The following MIER3 variants were observed in gnomAD, a reference collection of about 807,000 sequenced individuals.
The protein encoded by MIER3 is MIER family member 3.
A neutral mutation model predicts 63.2 loss-of-function variants in MIER3; 9 were observed. The observed-to-expected ratio is 0.14, with a 90% CI of 0.09 to 0.25. The LOEUF (loss-of-function observed/expected upper bound fraction) is 0.25. Among genes scored for constraint, MIER3 ranks in the 10% least tolerant of loss-of-function variants. The probability of loss-of-function intolerance (pLI) is 1.00; values close to 1 mark genes in which losing one functional copy is unlikely to be tolerated. For synonymous variants in MIER3, 205 were observed against 224.9 expected (o/e 0.91, Z 0.79); for missense variants, 512 against 666.2 (o/e 0.77, Z 2.55).
chr5:56,950,523 G>C (rs1459176235), intron 2 of MIER3, 105 bp downstream of exon 2: 2 of 1,238,290 alleles, frequency 1.6e-6, no homozygotes, highest in Admixed American at 2.2e-5. Flanking sequence ...AATCAATGAA[G>C]AAAAACCTGC....
At chr5:56,926,043 TA>T (rs201015212) in intron 10 of MIER3, among the ~76,000 whole-genome samples, 27 of 150,258 alleles carry the variant, frequency 1.8e-4, no homozygotes, top group South Asian at 4.2e-4. Context: ...GACATCCACA[TA>T]AAAAAAAAGA....
intron 2 of MIER3, among the ~76,000 whole-genome samples, chr5:56,949,523 T>C (rs1750944997): frequency 6.6e-6 from 1 of 152,174 alleles, no homozygotes; most frequent in Admixed American, 6.5e-5. Context: ...AAAAAGTTCA[T>C]CTCAAAATTA....
At chr5:56,926,071 T>C (rs1193406822) in intron 10 of MIER3, among the ~76,000 whole-genome samples, 1 of 152,036 alleles carries the variant, frequency 6.6e-6, no homozygotes, top group Non-Finnish European at 1.5e-5. Context: ...AATCTAGACA[T>C]AGACCTTACT....
At chr5:56,927,941 G>A (rs1445855562) in intron 10 of MIER3, 2 of 152,086 alleles carry the variant, frequency 1.3e-5, no homozygotes, top group Non-Finnish European at 2.9e-5. Flanking sequence ...GCTTTTTTCA[G>A]AATATCATAT....
In MIER3 at chr5:56,922,166, A is replaced by G. The variant is rs181401896; in HGVS notation, c.*962T>C. Reference sequence around the variant, plus strand: ...TGAACTGCAGTGCTACAAACAACTTAAAAGATGTCCCAAAATGTAAACCAT... The same window carrying G: ...TGAACTGCAGTGCTACAAACAACTTGAAAGATGTCCCAAAATGTAAACCAT... On this transcript the variant is annotated 3_prime_UTR_variant, in exon 13 of 13. Transcript: ENST00000381199. The G allele has an allele frequency of 6.6e-6, 1 of 152,662 alleles. No individual in the cohort carries two copies. Among genetic ancestry groups the G allele is most frequent in the Admixed American group, 6.5e-5 (1 of 15,282 alleles). 9.5% of individuals were successfully genotyped at this position (152,662 alleles called of 1,614,324 possible). A position where few individuals can be genotyped will look rare whatever the true frequency, so the allele number is the denominator to read the frequency against.
intron 10 of MIER3, chr5:56,925,184 C>G (rs975370376): frequency 1.0e-5 from 3 of 287,912 alleles, no homozygotes; most frequent in Admixed American, 4.9e-5. Flanking sequence ...TTTATCTCAT[C>G]TTTGAGAAAC....
Position 56,924,006 on chromosome 5 carries a change from A to G in MIER3, c.961T>C (p.Tyr321His). Residue 321 changes from tyrosine to histidine, a missense_variant, in exon 11 of 13, where the codon TAC (tyrosine) becomes CAC (histidine). Physicochemically the swap from Tyr to His is moderately conservative, Grantham distance 83. Coordinates refer to ENST00000381199, the MANE Select transcript of MIER3 (RefSeq NM_001297599.2). ...CGTTCAGATTTCTTCCACATATAGT[A>G]GAATGCTACACACTCAGCAACTGTC... is the stretch of plus-strand genomic sequence containing the variant. ...TRTVAECVAF[Y>H]YMWKKSERYD... 6.2e-7 allele frequency: 1 copy of G among 1,614,056 alleles called. No homozygotes were observed.
intron 10 of MIER3, chr5:56,925,321 C>G (rs937625051): frequency 2.2e-6 from 1 of 454,356 alleles, no homozygotes; most frequent in Non-Finnish European, 4.4e-6. Context: ...ATAAAACTGT[C>G]TCTGTTTACA....
At position 56,941,099 on chromosome 5, in the gene MIER3, A is replaced by G. The variant is rs891929925; in HGVS notation, c.181-2082T>C. On this transcript the variant is annotated intron_variant, in intron 3 of 12. Transcript: ENST00000381199. ...GCTACTGGACATACAAATGAAATTT[A>G]CTGAAGAATCCCTGCTCACAAGGAA... is the stretch of plus-strand genomic sequence containing the variant. 5.1e-6 allele frequency: 5 copies of G among 985,344 alleles called. No individual in the cohort carries two copies. The Admixed American group carries it at 1.8e-4, about 36-fold the overall frequency. The allele number at this position is 985,344 out of a possible 1,614,324, so 61.0% of individuals were successfully genotyped here.
rs1330258814 is a variant in MIER3 at position 56,935,686 on chromosome 5, A to G, written c.502T>C (p.Ser168Pro). ...CTTACCTTCCTCAAATCTTCAGGTG[A>G]ATTACCACTGTCTGTTTCAACATCT... ...VEDVETDSGN[S>P]PEDLRKEIMI... The change falls in exon 6 of 13, where the codon TCA (serine) becomes CCA (proline). Residue 168 changes from serine to proline, a missense_variant. By Grantham distance (74) the Ser-to-Pro change is moderately conservative (BLOSUM62 -1). Around this residue, in one of 5 missense-constraint regions of MIER3, gnomAD observed 118 missense variants for 133.6 expected, o/e 0.88. Coordinates refer to ENST00000381199, the MANE Select transcript of MIER3 (RefSeq NM_001297599.2). 1 of 1,614,048 alleles carries G rather than the reference A, an allele frequency of 6.2e-7. No homozygotes were observed. Among genetic ancestry groups the G allele is most frequent in the Non-Finnish European group, 8.5e-7 (1 of 1,179,928 alleles).
intron 5 of MIER3, among the ~76,000 whole-genome samples, chr5:56,936,085 G>T (rs913910416): frequency 6.6e-6 from 1 of 151,942 alleles, no homozygotes; most frequent in Non-Finnish European, 1.5e-5. Flanking sequence ...GGCGTGGTGG[G>T]GGGTGCCTGT....
rs748613738 is a variant in MIER3 at position 56,933,260 on chromosome 5, C to T, written c.734G>A (p.Arg245Lys). 4 of 1,609,660 alleles carry T rather than the reference C, an allele frequency of 2.5e-6. No individual in the cohort carries two copies. The highest frequency in any genetic ancestry group is 1.7e-5 in the Admixed American group (1 of 59,350). The change falls in exon 8 of 13, where the codon AGG becomes AAG. Residue 245 changes from arginine to lysine, a missense_variant. By Grantham distance (26) the Arg-to-Lys change is conservative (BLOSUM62 2). Coordinates refer to ENST00000381199, the MANE Select transcript of MIER3 (RefSeq NM_001297599.2). Reference sequence around the variant, plus strand: ...GCTGAAGTATACCTGTTCATTGTCCCTTGTGTGTGTTCCTGCAGAAATCCT... The same window carrying T: ...GCTGAAGTATACCTGTTCATTGTCCTTTGTGTGTGTTCCTGCAGAAATCCT... ...MDRISAGTHT[R>K]DNEQALYELL...
Position 56,952,116 on chromosome 5 carries a change from G to A in MIER3, c.-14C>T, listed in dbSNP as rs1189723823. On this transcript the variant is annotated 5_prime_UTR_variant, in exon 1 of 13. Coordinates refer to ENST00000381199, the MANE Select transcript of MIER3 (RefSeq NM_001297599.2). ...CACCTCCGCCATATTGGTACCTTTA[G>A]GGCGAACGAGCAGCGCCGAGCCCAG... is the stretch of plus-strand genomic sequence containing the variant. The A allele has an allele frequency of 3.9e-6, 5 of 1,288,888 alleles. No homozygotes were observed. The highest frequency in any genetic ancestry group is 1.9e-5 in the South Asian group (1 of 52,496). 79.8% of individuals were successfully genotyped at this position (1,288,888 alleles called of 1,614,324 possible). A position where few individuals can be genotyped will look rare whatever the true frequency, so the allele number is the denominator to read the frequency against.
At chr5:56,932,897 A>AT (rs941252468) in intron 8 of MIER3, among the ~76,000 whole-genome samples, 1 of 152,086 alleles carries the variant, frequency 6.6e-6, no homozygotes, top group Non-Finnish European at 1.5e-5. Context: ...TTAGGGAAAA[A>AT]TTTTTTTTAA....
intron 2 of MIER3, 133 bp downstream of exon 2, chr5:56,950,495 C>A: frequency 1.1e-6 from 1 of 903,114 alleles, no homozygotes; most frequent in Admixed American, 2.7e-5. Flanking sequence ...TTACTAAATG[C>A]ACACTGAAAC....
intron 10 of MIER3, among the ~76,000 whole-genome samples, chr5:56,924,555 T>C (rs702680): frequency 0.49 from 74,929 of 152,106 alleles, 20,978 homozygotes; most frequent in Non-Finnish European, 0.64. Flanking sequence ...TTAAGAACCC[T>C]TGGCAAATGG....
chr5:56,928,999 A>ACACACACACACC, intron 9 of MIER3, 138 bp from the exon 10 acceptor site: 1 of 555,362 alleles, frequency 1.8e-6, no homozygotes, highest in East Asian at 2.9e-5. Flanking sequence ...TCTCACACAC[A>ACACACACACACC]CACACACTCT....
intron 1 of MIER3, among the ~76,000 whole-genome samples, chr5:56,951,376 G>C (rs1050993011): frequency 1.3e-5 from 2 of 151,974 alleles, no homozygotes; most frequent in South Asian, 4.2e-4. Context: ...GGACATGGCC[G>C]GGGCAGCTTC....
Position 56,935,024 on chromosome 5 carries a change from A to G in MIER3, c.595+404T>C, listed in dbSNP as rs1399078873. Among the ~76,000 whole-genome samples, 4 of 152,172 alleles carry G rather than the reference A, an allele frequency of 2.6e-5. No individual in the cohort carries two copies. In the East Asian group the frequency reaches 7.7e-4, roughly 29 times the overall value. The stretch of plus-strand genomic sequence containing the variant: ...GCTCTTTTGGGGCTGGGGAAGGAGA[A>G]TTTCTTCCAGTCTCTTTTTCCCTCA... On this transcript the variant is annotated intron_variant, in intron 7 of 12. Transcript: ENST00000381199.
Sources: gnomAD v4.1 joint callset for allele counts (sites outside exome capture counted in the v4.1 genomes callset) on GRCh38, gnomAD v4.1.1 for gene constraint, gnomAD v4.1.1 regional missense constraint, MANE v1.5 for transcripts, NCBI Gene and HGNC (gene_info 2026-07-23, HGNC 2026-07-21) for gene names.